ZNF804A: variants seen among roughly 807,000 people sequenced by gnomAD.
ZNF804A encodes zinc finger protein 804A.
ZNF804A carries 2 observed loss-of-function variants against 16.5 expected under a neutral mutation model. The ratio of observed to expected loss-of-function variants is 0.12; its 90% CI spans 0.05 to 0.38. The LOEUF is 0.38. Ranked by LOEUF, ZNF804A falls within the 10% of genes least tolerant of loss-of-function variation. ZNF804A has a pLI of 0.99. For missense variants in ZNF804A, 1,473 were observed against 1,390.7 expected (o/e 1.06, Z -0.94); for synonymous variants, 534 against 489.6 (o/e 1.09, Z -1.20).
intron 1 of ZNF804A, among the ~76,000 whole-genome samples, chr2:184,654,214 C>T (rs1692038917): frequency 6.6e-6 from 1 of 152,176 alleles, no homozygotes; most frequent in African/African-American, 2.4e-5. Flanking sequence ...TTGACAGAGA[C>T]ACAAAGACAG....
chr2:184,676,585 A>G (rs1406123625), intron 1 of ZNF804A, among the ~76,000 whole-genome samples: 1 of 151,748 alleles, frequency 6.6e-6, no homozygotes, highest in East Asian at 1.9e-4. Context: ...CTACAATATC[A>G]TATACAATAT....
At position 184,598,554 on chromosome 2, in the gene ZNF804A, G is replaced by T. The variant is rs1054596280; in HGVS notation, c.-406G>T. 1.3e-5 allele frequency: 2 copies of T among 156,660 alleles called. 1 individual carries two copies. The highest frequency in any genetic ancestry group is 3.7e-4 in the East Asian group (2 of 5,392). The allele number at this position is 156,660 out of a possible 1,614,324, so 9.7% of individuals were successfully genotyped here. On this transcript the variant is annotated 5_prime_UTR_variant, in exon 1 of 4. Transcript: ENST00000302277. ...AACTCCGAGTGCAGGCGCCGAGCGC[G>T]GGGGATGCTGCCGCCGCCGCCGCTT... is the stretch of plus-strand genomic sequence containing the variant.
In ZNF804A at chr2:184,721,473, T is replaced by TA. The variant is rs1010266286; in HGVS notation, c.111+122412dup. On this transcript the variant is annotated intron_variant, in intron 1 of 3. Coordinates refer to ENST00000302277, the MANE Select transcript of ZNF804A (RefSeq NM_194250.2). ...GACATACAAACGTCCAACAGGTATA[T>TA]AAAAAAAAATGCTTAACATCACTAG... Among the ~76,000 whole-genome samples the TA allele has an allele frequency of 1.5e-3, 224 of 151,018 alleles. 3 individuals carry two copies. The highest frequency in any genetic ancestry group is 0.011 in the Admixed American group (170 of 15,120).
At position 184,880,526 on chromosome 2, in the gene ZNF804A, AC is replaced by A. The variant is rs377350900; in HGVS notation, c.255+14016del. Reference sequence around the variant, plus strand: ...ATAGGCAAACACAAGTTATTGTGTAACCTAGTATCATCAATTCTTCATTTAT... The same window carrying A: ...ATAGGCAAACACAAGTTATTGTGTAACTAGTATCATCAATTCTTCATTTAT... On this transcript the variant is annotated intron_variant, in intron 2 of 3. Coordinates refer to ENST00000302277, the MANE Select transcript of ZNF804A (RefSeq NM_194250.2). Among the ~76,000 whole-genome samples, 327 of 152,226 alleles carry A rather than the reference AC, an allele frequency of 2.1e-3. 1 individual carries two copies. Among genetic ancestry groups the A allele is most frequent in the Middle Eastern group, 6.8e-3 (2 of 294 alleles).
intron 2 of ZNF804A, among the ~76,000 whole-genome samples, chr2:184,906,933 C>T (rs535057700): frequency 9.2e-5 from 14 of 152,222 alleles, no homozygotes; most frequent in African/African-American, 2.9e-4. Flanking sequence ...GAAGGAGCAA[C>T]ATAACAAAGA....
intron 2 of ZNF804A, among the ~76,000 whole-genome samples, chr2:184,912,580 G>C (rs926390422): frequency 6.6e-6 from 1 of 151,970 alleles, no homozygotes; most frequent in Non-Finnish European, 1.5e-5. Context: ...ATTAACTAGC[G>C]TTTCAATTTC....
intron 1 of ZNF804A, among the ~76,000 whole-genome samples, chr2:184,845,432 G>A (rs1050108029): frequency 6.6e-6 from 1 of 151,914 alleles, no homozygotes; most frequent in Non-Finnish European, 1.5e-5. Context: ...TTCTCCCCCA[G>A]GCCTTTATTC....
At chr2:184,899,331 G>A (rs541924378) in intron 2 of ZNF804A, among the ~76,000 whole-genome samples, 9 of 152,012 alleles carry the variant, frequency 5.9e-5, no homozygotes, top group Non-Finnish European at 1.0e-4. Context: ...GAGAGGCATA[G>A]AAGTGCATTT....
chr2:184,715,693 A>G (rs995650020), intron 1 of ZNF804A, among the ~76,000 whole-genome samples: 1 of 152,096 alleles, frequency 6.6e-6, no homozygotes, highest in Non-Finnish European at 1.5e-5. Flanking sequence ...GAGCTACTGT[A>G]CCCAGCCACA....
At chr2:184,717,770 G>A (rs1693238618) in intron 1 of ZNF804A, among the ~76,000 whole-genome samples, 1 of 152,110 alleles carries the variant, frequency 6.6e-6, no homozygotes, top group Non-Finnish European at 1.5e-5. Context: ...ATCAAGTCAG[G>A]TTATTTAGTG....
intron 2 of ZNF804A, among the ~76,000 whole-genome samples, chr2:184,925,673 G>T (rs1026587141): frequency 6.6e-6 from 1 of 151,572 alleles, no homozygotes; most frequent in African/African-American, 2.4e-5. Flanking sequence ...TGGGTGATGT[G>T]AATTAATTTC....
chr2:184,839,643 T>TA (rs1695405580), intron 1 of ZNF804A, among the ~76,000 whole-genome samples: 1 of 152,162 alleles, frequency 6.6e-6, no homozygotes, highest in Non-Finnish European at 1.5e-5. Flanking sequence ...GAATTGAACT[T>TA]ACACTTTAAA....
intron 1 of ZNF804A, among the ~76,000 whole-genome samples, chr2:184,786,672 G>A (rs1014547669): frequency 6.6e-6 from 1 of 151,782 alleles, no homozygotes; most frequent in African/African-American, 2.4e-5. Context: ...TAAATTAGCA[G>A]GAATGTCCTG....
chr2:184,900,910 C>T (rs1685170278), intron 2 of ZNF804A, among the ~76,000 whole-genome samples: 1 of 152,112 alleles, frequency 6.6e-6, no homozygotes, highest in African/African-American at 2.4e-5. Context: ...TTAATGACTC[C>T]CACTTTTTCA....
intron 1 of ZNF804A, among the ~76,000 whole-genome samples, chr2:184,734,270 T>G (rs1693574352): frequency 1.3e-5 from 2 of 152,164 alleles, no homozygotes; most frequent in Admixed American, 1.3e-4. Flanking sequence ...GATTGTTGAA[T>G]TTTACATCTT....
intron 1 of ZNF804A, among the ~76,000 whole-genome samples, chr2:184,762,031 A>C (rs1466156528): frequency 1.3e-5 from 2 of 152,070 alleles, no homozygotes; most frequent in South Asian, 4.1e-4. Context: ...CGTATAGCTT[A>C]GATGCTGAAA....
intron 1 of ZNF804A, among the ~76,000 whole-genome samples, chr2:184,736,513 T>C (rs1036182920): frequency 2.0e-5 from 3 of 151,870 alleles, no homozygotes; most frequent in African/African-American, 7.3e-5. Flanking sequence ...GGAAACCAAA[T>C]ACCACATGGG....
chr2:184,847,865 C>G (rs755509553), intron 1 of ZNF804A, among the ~76,000 whole-genome samples: 4 of 151,944 alleles, frequency 2.6e-5, no homozygotes, highest in Non-Finnish European at 4.4e-5. Context: ...TTCATTATTA[C>G]TAGTTCATTG....
chr2:184,626,168 C>T (rs571718396), intron 1 of ZNF804A, among the ~76,000 whole-genome samples: 29 of 151,852 alleles, frequency 1.9e-4, no homozygotes, highest in Admixed American at 1.6e-3. Flanking sequence ...GCGCCCGGCC[C>T]GGATTTCTTA....
Sources: gnomAD v4.1 joint callset for allele counts (sites outside exome capture counted in the v4.1 genomes callset) on GRCh38, gnomAD v4.1.1 for gene constraint, MANE v1.5 for transcripts, NCBI Gene and HGNC (gene_info 2026-07-23, HGNC 2026-07-21) for gene names.